Variants in ATXN10 observed in about 807,000 individuals in gnomAD.
ATXN10 encodes the protein ataxin 10.
In ATXN10, 28 loss-of-function variants were observed where a neutral mutation model predicts 52.9. That is an observed-to-expected ratio of 0.53 (90% CI 0.39 to 0.73). ATXN10 has a LOEUF of 0.73. Ranked by LOEUF, ATXN10 falls within the 30% of genes least tolerant of loss-of-function variation. ATXN10 has a pLI of 0.00. For synonymous variants in ATXN10, 226 were observed against 221.5 expected (o/e 1.02, Z -0.18); for missense variants, 565 against 577.0 (o/e 0.98, Z 0.21).
At position 45,818,858 on chromosome 22, in the gene ATXN10, C is replaced by T. The variant is rs1336190655; in HGVS notation, c.1237+11836C>T. ...ACACTGATTGCCTGTTCCTAAGGAC[C>T]TGCTCCTTAGAGCCAAGCCCCGTGA... On this transcript the variant is annotated intron_variant, in intron 10 of 11. Coordinates refer to ENST00000252934, the MANE Select transcript of ATXN10 (RefSeq NM_013236.4). This position sits in a 1 kb window ranked among gnomAD's most constrained non-coding sequence, Gnocchi z 4.6. 2.0e-5 allele frequency among the ~76,000 whole-genome samples: 3 copies of T among 152,272 alleles called. No homozygotes were observed. The East Asian group carries it at 5.8e-4, about 29-fold the overall frequency.
intron 10 of ATXN10, among the ~76,000 whole-genome samples, chr22:45,821,347 T>TAAA (rs567448480): frequency 1.1e-4 from 12 of 106,464 alleles, no homozygotes; most frequent in South Asian, 3.4e-4. Flanking sequence ...CCCGTCTCTT[T>TAAA]AAAAAAAAAA....
At chr22:45,799,690 A>T (rs1023788113) in intron 9 of ATXN10, among the ~76,000 whole-genome samples, 1 of 152,220 alleles carries the variant, frequency 6.6e-6, no homozygotes, top group African/African-American at 2.4e-5. Flanking sequence ...GTAAAACAAT[A>T]AATTCCTGTC....
At chr22:45,801,410 A>G (rs1486021845) in intron 9 of ATXN10, among the ~76,000 whole-genome samples, 1 of 152,180 alleles carries the variant, frequency 6.6e-6, no homozygotes, top group Non-Finnish European at 1.5e-5. Flanking sequence ...GAGTCACACC[A>G]TATGTTGCTG....
At chr22:45,810,318 A>G (rs904524723) in intron 10 of ATXN10, among the ~76,000 whole-genome samples, 7 of 152,178 alleles carry the variant, frequency 4.6e-5, no homozygotes, top group African/African-American at 1.4e-4. Context: ...TAGCTTTCCA[A>G]TATGTCTTGA....
Position 45,795,426 on chromosome 22 carries a change from T to TCTA in ATXN10, c.1174-11533_1174-11532insCTA, listed in dbSNP as rs2146871563. Among the ~76,000 whole-genome samples the TCTA allele has an allele frequency of 6.6e-6, 1 of 150,940 alleles. No homozygotes were observed. Among genetic ancestry groups the TCTA allele is most frequent in the Non-Finnish European group, 1.5e-5 (1 of 67,922 alleles). On this transcript the variant is annotated intron_variant, in intron 9 of 11. Transcript: ENST00000252934. The surrounding 1 kb of genome is among the most constrained non-coding windows in gnomAD (Gnocchi z 4.6). Reference sequence around the variant, plus strand: ...TTCTATTCTATTCTATTCTATTCTTTTTGAGATGAAGTCTCTCTATGTTGC... The same window carrying TCTA: ...TTCTATTCTATTCTATTCTATTCTTTCTATTGAGATGAAGTCTCTCTATGTTGC...
rs573853746 is a variant in ATXN10, at chr22:45,759,766, A to G, written c.1173+19228A>G. Among the ~76,000 whole-genome samples the G allele has an allele frequency of 6.6e-6, 1 of 152,276 alleles. No individual in the cohort carries two copies. The highest frequency in any genetic ancestry group is 1.5e-5 in the Non-Finnish European group (1 of 68,016). Reference sequence around the variant, plus strand: ...GGGTCACACCTCAGCTGCCGGCATGAGCTAAGGGACCATATAACAGTCAGC... The same window carrying G: ...GGGTCACACCTCAGCTGCCGGCATGGGCTAAGGGACCATATAACAGTCAGC... On this transcript the variant is annotated intron_variant, in intron 9 of 11. Coordinates refer to ENST00000252934, the MANE Select transcript of ATXN10 (RefSeq NM_013236.4). The surrounding 1 kb of genome is among the most constrained non-coding windows in gnomAD (Gnocchi z 5.4).
Position 45,843,137 on chromosome 22 carries a change from G to A in ATXN10, c.1384G>A (p.Glu462Lys), listed in dbSNP as rs758548744. ...GGGTTTTGAAGTTGAAAAGAAAGGC[G>A]AAAAGCTGATCCTGAAATCTACTAG... Reference protein sequence around the residue: ...KVGFEVEKKGEKLILKSTRDT... With the variant: ...KVGFEVEKKGKKLILKSTRDT... Residue 462 changes from glutamate to lysine, a missense_variant, in exon 11 of 12, where the codon GAA becomes AAA. Physicochemically the swap from Glu to Lys is moderately conservative, Grantham distance 56. Coordinates refer to ENST00000252934, the MANE Select transcript of ATXN10 (RefSeq NM_013236.4). This position sits in a 1 kb window ranked among gnomAD's most constrained non-coding sequence, Gnocchi z 4.5. 6.2e-6 allele frequency: 10 copies of A among 1,614,056 alleles called. No individual in the cohort carries two copies. The highest frequency in any genetic ancestry group is 7.6e-6 in the Non-Finnish European group (9 of 1,179,950).
chr22:45,767,941 A>G (rs1569056758), intron 9 of ATXN10, among the ~76,000 whole-genome samples: 1 of 152,208 alleles, frequency 6.6e-6, no homozygotes, highest in Non-Finnish European at 1.5e-5. Context: ...TGTGTGCTAC[A>G]TACTTTATTT....
chr22:45,748,057 T>C (rs999026164), intron 9 of ATXN10, among the ~76,000 whole-genome samples: 3 of 151,982 alleles, frequency 2.0e-5, no homozygotes, highest in African/African-American at 7.2e-5. Context: ...AATTAGCCAG[T>C]GCTCCCAGGT....
rs1926443888 is a variant in ATXN10 at position 45,762,776 on chromosome 22, G to C, written c.1173+22238G>C. Among the ~76,000 whole-genome samples the C allele has an allele frequency of 6.6e-6, 1 of 152,318 alleles. No homozygotes were observed. The highest frequency in any genetic ancestry group is 1.9e-4 in the East Asian group (1 of 5,170). On this transcript the variant is annotated intron_variant, in intron 9 of 11. Transcript: ENST00000252934. This position sits in a 1 kb window ranked among gnomAD's most constrained non-coding sequence, Gnocchi z 4.3. ...CTCTCCACATCCTCCCCTCCCTGCT[G>C]TGGAGCCCCCACTGACAGATGCCTT...
rs1927125602 is a variant in ATXN10, at chr22:45,780,879, A to G, written c.1174-26080A>G. Among the ~76,000 whole-genome samples the G allele has an allele frequency of 2.6e-5, 4 of 152,154 alleles. No homozygotes were observed. Among genetic ancestry groups the G allele is most frequent in the Admixed American group, 6.5e-5 (1 of 15,274 alleles). Reference sequence around the variant, plus strand: ...CCCTGTCATCATATATGAAACAATCATGGAAACACGTGACAGGTGGGGAGA... The same window carrying G: ...CCCTGTCATCATATATGAAACAATCGTGGAAACACGTGACAGGTGGGGAGA... On this transcript the variant is annotated intron_variant, in intron 9 of 11. Coordinates refer to ENST00000252934, the MANE Select transcript of ATXN10 (RefSeq NM_013236.4). This position sits in a 1 kb window ranked among gnomAD's most constrained non-coding sequence, Gnocchi z 4.0.
chr22:45,735,951 G>A (rs952661615), intron 7 of ATXN10, among the ~76,000 whole-genome samples: 2 of 149,346 alleles, frequency 1.3e-5, no homozygotes, highest in African/African-American at 2.5e-5. Flanking sequence ...CTGTTCTTTC[G>A]TTACTAATTT....
rs1186969398 is a variant in ATXN10, at chr22:45,783,042, TAC to T, written c.1174-23915_1174-23914del. Among the ~76,000 whole-genome samples the T allele has an allele frequency of 6.6e-6, 1 of 152,276 alleles. No homozygotes were observed. Among genetic ancestry groups the T allele is most frequent in the African/African-American group, 2.4e-5 (1 of 41,484 alleles). On this transcript the variant is annotated intron_variant, in intron 9 of 11. Coordinates refer to ENST00000252934, the MANE Select transcript of ATXN10 (RefSeq NM_013236.4). This position sits in a 1 kb window ranked among gnomAD's most constrained non-coding sequence, Gnocchi z 5.0. ...ACTATTGATCTTAGCAACCTCAGCA[TAC>T]AGTTTTTTTCTTAAGTCTAGAACTC... is the stretch of plus-strand genomic sequence containing the variant.
In ATXN10 at chr22:45,819,816, G is replaced by A. The variant is rs1347900070; in HGVS notation, c.1237+12794G>A. ...AGTGACTTTTGGATACGTTGAGAAA[G>A]TTAATACCTTTTTAAATTGCGAAAC... On this transcript the variant is annotated intron_variant, in intron 10 of 11. Transcript: ENST00000252934. This position sits in a 1 kb window ranked among gnomAD's most constrained non-coding sequence, Gnocchi z 4.5. Among the ~76,000 whole-genome samples, 2 of 152,342 alleles carry A rather than the reference G, an allele frequency of 1.3e-5. No homozygotes were observed. Among genetic ancestry groups the A allele is most frequent in the East Asian group, 3.9e-4 (2 of 5,194 alleles).
At chr22:45,679,673 C>G (rs959608240) in intron 1 of ATXN10, 40 of 152,232 alleles carry the variant, frequency 2.6e-4, no homozygotes, top group Admixed American at 1.4e-3. Context: ...TTGACTCAAC[C>G]ATGATTCAGC....
rs573751003 is a variant in ATXN10, at chr22:45,811,743, C to T, written c.1237+4721C>T. 31 of 471,168 alleles carry T rather than the reference C, an allele frequency of 6.6e-5. 1 individual carries two copies. In the East Asian group the frequency reaches 9.7e-4, roughly 15 times the overall value. 29.2% of individuals were successfully genotyped at this position (471,168 alleles called of 1,614,324 possible). On this transcript the variant is annotated intron_variant, in intron 10 of 11. Coordinates refer to ENST00000252934, the MANE Select transcript of ATXN10 (RefSeq NM_013236.4). ...TTGCATCATTGCTGGCCCTGAACTT[C>T]GGCAGTGACTTCCTAACTCATCTTT...
At chr22:45,711,869 T>G (rs1924263061) in intron 5 of ATXN10, among the ~76,000 whole-genome samples, 1 of 152,222 alleles carries the variant, frequency 6.6e-6, no homozygotes, top group South Asian at 2.1e-4. Context: ...GCCACCATTA[T>G]GCCAGAAGTG....
chr22:45,838,407 C>T (rs1401922994), intron 10 of ATXN10, among the ~76,000 whole-genome samples: 4 of 152,302 alleles, frequency 2.6e-5, no homozygotes, highest in South Asian at 2.1e-4. Flanking sequence ...TATCAAGTCC[C>T]GCTCTAGTGC....
chr22:45,736,242 C>T (rs1330686057), intron 7 of ATXN10, among the ~76,000 whole-genome samples: 1 of 152,156 alleles, frequency 6.6e-6, no homozygotes, highest in Non-Finnish European at 1.5e-5. Context: ...CACCATTCTT[C>T]TTTCCTCCAC....
Sources: allele counts gnomAD v4.1 joint callset (sites outside exome capture counted in the v4.1 genomes callset), GRCh38; gene constraint gnomAD v4.1.1; non-coding constraint Gnocchi (gnomAD v3.1); transcripts MANE v1.5; gene names NCBI Gene and HGNC (gene_info 2026-07-23, HGNC 2026-07-21).